The following DOCK1 variants were observed in gnomAD, a reference collection of about 807,000 sequenced individuals.
The protein encoded by DOCK1 is dedicator of cytokinesis 1.
Under a neutral mutation model 262.7 loss-of-function variants are expected in DOCK1, and 138 were observed. The observed-to-expected ratio is 0.53, with a 90% confidence interval of 0.46 to 0.61. DOCK1 has a LOEUF of 0.61. Ranked by LOEUF, DOCK1 falls within the 20% of genes least tolerant of loss-of-function variation. The probability of loss-of-function intolerance (pLI) is 0.00; values close to 1 mark genes in which losing one functional copy is unlikely to be tolerated. For synonymous variants in DOCK1, 866 were observed against 867.4 expected, an observed-to-expected ratio of 1.00 and a Z score of 0.03; for missense variants, 1,908 against 2,370.7, an observed-to-expected ratio of 0.80 and a Z score of 4.05.
At chr10:127,300,764 C>G (rs1023384016) in intron 29 of DOCK1, among the ~76,000 whole-genome samples, 1 of 152,314 alleles carries the variant, frequency 6.6e-6, no homozygotes, top group East Asian at 1.9e-4. Context: ...AATTCTGGAG[C>G]CTGGCCTGCC....
chr10:127,119,136 C>T (rs1408434529), intron 25 of DOCK1, among the ~76,000 whole-genome samples: 4 of 152,022 alleles, frequency 2.6e-5, no homozygotes, highest in African/African-American at 7.3e-5. Context: ...CTCCGTCTCC[C>T]AGGTTCACGC....
At chr10:127,074,772 G>A (rs1591914798) in intron 23 of DOCK1, among the ~76,000 whole-genome samples, 1 of 152,148 alleles carries the variant, frequency 6.6e-6, no homozygotes, top group Non-Finnish European at 1.5e-5. Context: ...CGTGACACAA[G>A]TCTCGTTGAT....
chr10:127,136,316 A>G (rs764348262), intron 27 of DOCK1: 1 of 152,202 alleles, frequency 6.6e-6, no homozygotes, highest in Non-Finnish European at 1.5e-5. Context: ...CCAATCTGAC[A>G]AAAGCAGGTG....
intron 1 of DOCK1, among the ~76,000 whole-genome samples, chr10:126,910,116 G>A (rs1443124866): frequency 6.6e-6 from 1 of 152,188 alleles, no homozygotes; most frequent in Non-Finnish European, 1.5e-5. Context: ...CTACTTTGGG[G>A]AAGAAAAATT....
intron 11 of DOCK1, among the ~76,000 whole-genome samples, chr10:127,011,621 A>C (rs2041453499): frequency 6.6e-6 from 1 of 152,140 alleles, no homozygotes. Flanking sequence ...GGCCCTGAAA[A>C]CGTGGGTGGT....
chr10:127,012,861 A>G lies in DOCK1; in HGVS notation c.1201+487A>G, dbSNP rs964309676. On this transcript the variant is annotated intron_variant, in intron 12 of 51. Transcript: ENST00000623213. The surrounding 1 kb of genome is among the most constrained non-coding windows in gnomAD (Gnocchi z 4.0). ...CAGCTGACCTGCTGCTGGCAGAAGG[A>G]ATGAATCAGTCACCTCGGGCTGGTG... 6.6e-6 allele frequency among the ~76,000 whole-genome samples: 1 copy of G among 152,188 alleles called. No individual in the cohort carries two copies. The highest frequency in any genetic ancestry group is 1.5e-5 in the Non-Finnish European group (1 of 68,042).
intron 5 of DOCK1, among the ~76,000 whole-genome samples, chr10:126,988,660 C>T (rs78637242): frequency 0.017 from 2,566 of 152,156 alleles, 71 homozygotes; most frequent in African/African-American, 0.059. Context: ...AGTCTGTAAC[C>T]CTAGAGTAGG....
chr10:127,444,835 A>T (rs923210199), intron 50 of DOCK1, among the ~76,000 whole-genome samples: 7 of 151,984 alleles, frequency 4.6e-5, no homozygotes, highest in Admixed American at 4.6e-4. Flanking sequence ...GCTCCAAGGG[A>T]GAGCCTGTCC....
intron 11 of DOCK1, among the ~76,000 whole-genome samples, chr10:127,011,989 C>T (rs953646492): frequency 1.3e-5 from 2 of 152,098 alleles, no homozygotes; most frequent in East Asian, 1.9e-4. Context: ...GCCTGGTGCA[C>T]GTTTATTCCT....
intron 27 of DOCK1, among the ~76,000 whole-genome samples, chr10:127,241,658 G>A (rs1192919701): frequency 6.6e-6 from 1 of 152,124 alleles, no homozygotes; most frequent in African/African-American, 2.4e-5. Flanking sequence ...TTCTAGGTTT[G>A]GTTTGGGACT....
In DOCK1 at chr10:127,043,114, T is replaced by G; in HGVS notation, c.2151T>G (p.Pro717=). Residue 717 remains proline (P), a synonymous_variant, in exon 21 of 52, where the codon CCT becomes CCG. Coordinates refer to ENST00000623213, the MANE Select transcript of DOCK1 (RefSeq NM_001290223.2). ...IADRKFQHFN[P]VLETYIKKHF... ...ATAGAAAATTTCAGCATTTTAATCC[T>G]GTTTTGGAAACTTACATTAAGAAAC... 1 of 1,611,430 alleles carries G rather than the reference T, an allele frequency of 6.2e-7. No homozygotes were observed. Among genetic ancestry groups the G allele is most frequent in the Non-Finnish European group, 8.5e-7 (1 of 1,178,672 alleles).
At chr10:127,093,942 G>GGTGAGAGTGT (rs1326529737) in intron 23 of DOCK1, among the ~76,000 whole-genome samples, 1 of 152,144 alleles carries the variant, frequency 6.6e-6, no homozygotes, top group Non-Finnish European at 1.5e-5. Flanking sequence ...CATGGCAGAA[G>GGTGAGAGTGT]GTGAGAGTGT....
intron 27 of DOCK1, among the ~76,000 whole-genome samples, chr10:127,130,039 A>C (rs2050215195): frequency 6.8e-6 from 1 of 147,272 alleles, no homozygotes; most frequent in Non-Finnish European, 1.5e-5. Context: ...TAGTTGGGGC[A>C]CAATCCTGCC....
At chr10:127,275,255 A>T (rs1301771890) in intron 29 of DOCK1, among the ~76,000 whole-genome samples, 13 of 150,194 alleles carry the variant, frequency 8.7e-5, no homozygotes, top group Non-Finnish European at 1.2e-4. Flanking sequence ...AATAGGAAGA[A>T]AAAAAAAAAC....
At chr10:127,015,685 T>C (rs1439465491) in intron 12 of DOCK1, among the ~76,000 whole-genome samples, 5 of 152,178 alleles carry the variant, frequency 3.3e-5, no homozygotes, top group African/African-American at 1.2e-4. Context: ...ACCTTCACGC[T>C]GGTCCCTCTC....
At chr10:127,206,196 T>A (rs1413752515) in intron 27 of DOCK1, among the ~76,000 whole-genome samples, 1 of 141,268 alleles carries the variant, frequency 7.1e-6, no homozygotes, top group Non-Finnish European at 1.5e-5. Flanking sequence ...CAGGCTATAG[T>A]GCAGTGGTGC....
intron 44 of DOCK1, among the ~76,000 whole-genome samples, chr10:127,416,718 G>T (rs1172780986): frequency 6.6e-6 from 1 of 152,232 alleles, no homozygotes; most frequent in African/African-American, 2.4e-5. Context: ...CTTTCTCAGT[G>T]CAAATGAGAT....
chr10:126,933,620 C>G (rs2034342790), intron 1 of DOCK1, among the ~76,000 whole-genome samples: 1 of 152,082 alleles, frequency 6.6e-6, no homozygotes, highest in East Asian at 1.9e-4. Context: ...CTGAGTCAGC[C>G]CCCCGGATGA....
chr10:127,127,666 C>T lies in DOCK1; in HGVS notation c.2752-3C>T, dbSNP rs755459091. 2.1e-5 allele frequency: 34 copies of T among 1,610,360 alleles called. No individual in the cohort carries two copies. Among genetic ancestry groups the T allele is most frequent in the Non-Finnish European group, 2.8e-5 (33 of 1,177,288 alleles). ...TGGTGTTCATTGGTGTGTCCTTCCC[C>T]AGGGGCCAACCCAGAGGCACGTCCA... is the stretch of plus-strand genomic sequence containing the variant. On this transcript the variant is annotated splice_region_variant and splice_polypyrimidine_tract_variant and intron_variant, in intron 26 of 51. Transcript: ENST00000623213.
Sources: allele counts gnomAD v4.1 joint callset (sites outside exome capture counted in the v4.1 genomes callset), GRCh38; gene constraint gnomAD v4.1.1; non-coding constraint Gnocchi (gnomAD v3.1); transcripts MANE v1.5; gene names NCBI Gene and HGNC (gene_info 2026-07-23, HGNC 2026-07-21).